PLCD1: variants seen among roughly 807,000 people sequenced by gnomAD.
PLCD1 encodes the protein phospholipase C delta 1, also known as 1-phosphatidylinositol 4,5-bisphosphate phosphodiesterase delta-1.
In PLCD1, 71 loss-of-function variants were observed where a neutral mutation model predicts 87.4. The observed-to-expected ratio is 0.81, with a 90% CI of 0.67 to 0.99. The LOEUF (loss-of-function observed/expected upper bound fraction) is 0.99, where lower values mean the gene tolerates loss of function less well. Among genes scored for constraint, PLCD1 ranks in the 50% least tolerant of loss-of-function variants. PLCD1 has a pLI of 0.00. For missense variants in PLCD1, 867 were observed against 1,001.5 expected, an observed-to-expected ratio of 0.87 and a Z score of 1.81; for synonymous variants, 348 against 399.2, an observed-to-expected ratio of 0.87 and a Z score of 1.53.
intron 8 of PLCD1, 39 bp from the exon 9 acceptor site, chr3:38,009,850 GCCC>G (rs750770929): frequency 6.2e-7 from 1 of 1,610,588 alleles, no homozygotes; most frequent in Non-Finnish European, 8.5e-7. Flanking sequence ...CACACCTAGC[GCCC>G]CGGCTAGGCT....
At chr3:38,020,608 A>G (rs942945669) in intron 1 of PLCD1, among the ~76,000 whole-genome samples, 4 of 152,140 alleles carry the variant, frequency 2.6e-5, no homozygotes, top group Non-Finnish European at 5.9e-5. Flanking sequence ...GACCATACTT[A>G]CACACTGTGA....
chr3:38,016,561 G>T lies in PLCD1; in HGVS notation c.358C>A (p.His120Asn), dbSNP rs1193093196. The T allele has an allele frequency of 6.2e-6, 10 of 1,613,960 alleles. No homozygotes were observed. The highest frequency in any genetic ancestry group is 8.5e-6 in the Non-Finnish European group (10 of 1,179,956). Residue 120 changes from histidine (H) to asparagine (N), a missense_variant, in exon 3 of 15, where the codon CAC becomes AAC. Physicochemically the swap from His to Asn is moderately conservative, Grantham distance 68. Transcript: ENST00000334661. ...LIAPSPADAQ[H>N]WVLGLHKIIH... Reference sequence around the variant, plus strand: ...ATCTTGTGCAGCCCCAGCACCCAGTGCTGGGCATCAGCTGGCGATGGGGCG... The same window carrying T: ...ATCTTGTGCAGCCCCAGCACCCAGTTCTGGGCATCAGCTGGCGATGGGGCG...
At chr3:38,009,853 C>T (rs1169867171) in intron 8 of PLCD1, 42 bp from the exon 9 acceptor site, 1 of 1,610,048 alleles carries the variant, frequency 6.2e-7, no homozygotes, top group African/African-American at 1.3e-5. Context: ...ACCTAGCGCC[C>T]CGGCTAGGCT....
chr3:38,024,048 TGC>T, intron 1 of PLCD1: 1 of 464,062 alleles, frequency 2.2e-6, no homozygotes, highest in Admixed American at 3.8e-5. Context: ...ACATACACGG[TGC>T]CTCAGAAATT....
chr3:38,019,898 T>C (rs923796121), intron 2 of PLCD1, among the ~76,000 whole-genome samples: 1 of 152,120 alleles, frequency 6.6e-6, no homozygotes, highest in Non-Finnish European at 1.5e-5. Flanking sequence ...AGTATCCCCA[T>C]CCCTCAAAAG....
intron 3 of PLCD1, among the ~76,000 whole-genome samples, chr3:38,014,113 G>A (rs1317703767): frequency 3.3e-5 from 5 of 152,110 alleles, no homozygotes; most frequent in Admixed American, 2.0e-4. Context: ...TCATGGATCA[G>A]AAGACTTGAC....
intron 12 of PLCD1, 22 bp downstream of exon 12, chr3:38,008,436 G>A: frequency 6.2e-7 from 1 of 1,614,070 alleles, no homozygotes. Flanking sequence ...GTGGGCACCT[G>A]TCCCTCCTAG....
intron 1 of PLCD1, among the ~76,000 whole-genome samples, chr3:38,023,866 C>T (rs1273357808): frequency 6.6e-6 from 1 of 150,520 alleles, no homozygotes. Flanking sequence ...TCATTACACA[C>T]TGTACAGTGG....
In PLCD1 at chr3:38,010,571, G is replaced by C. The variant is rs781049733; in HGVS notation, c.791-9C>G. The C allele has an allele frequency of 1.9e-6, 3 of 1,609,554 alleles. No individual in the cohort carries two copies. The highest frequency in any genetic ancestry group is 2.5e-6 in the Non-Finnish European group (3 of 1,177,634). On this transcript the variant is annotated splice_polypyrimidine_tract_variant and intron_variant, in intron 5 of 14. Coordinates refer to ENST00000334661, the MANE Select transcript of PLCD1 (RefSeq NM_006225.4). ...CTGCCGCTGCGCCTTGGCTGGGAGG[G>C]AGGAGGCCACTGCCCGTCAGAGCCA...
rs530083442 is a variant in PLCD1 at position 38,025,455 on chromosome 3, G to GC, written c.34+4050dup. Among the ~76,000 whole-genome samples, 95 of 151,692 alleles carry GC rather than the reference G, an allele frequency of 6.3e-4. No homozygotes were observed. The South Asian group carries it at 9.8e-3, about 16-fold the overall frequency. Reference sequence around the variant, plus strand: ...GGATGGAGCCTGGGCCAGACACCGAGCCCCCCCCAAGTATTTTACTTCAAT... The same window carrying GC: ...GGATGGAGCCTGGGCCAGACACCGAGCCCCCCCCCAAGTATTTTACTTCAAT... On this transcript the variant is annotated intron_variant, in intron 1 of 14. Coordinates refer to ENST00000334661, the MANE Select transcript of PLCD1 (RefSeq NM_006225.4). The surrounding 1 kb of genome is among the most constrained non-coding windows in gnomAD (Gnocchi z 4.0).
chr3:38,010,780 C>T lies in PLCD1; in HGVS notation c.791-218G>A, dbSNP rs936035791. ...CTCCTCCTCCTCCCCTGTCTGCACA[C>T]TCTAAGACCCCTGAGGACAGGGTGT... On this transcript the variant is annotated intron_variant, in intron 5 of 14. Transcript: ENST00000334661. Among the ~76,000 whole-genome samples the T allele has an allele frequency of 5.3e-5, 8 of 152,202 alleles. No individual in the cohort carries two copies. The South Asian group carries it at 1.7e-3, about 31-fold the overall frequency.
intron 3 of PLCD1, chr3:38,014,749 A>T (rs1052555007): frequency 4.6e-5 from 7 of 152,810 alleles, no homozygotes; most frequent in Non-Finnish European, 1.0e-4. Flanking sequence ...AAAGACTTGT[A>T]TCTATAATAT....
Position 38,009,829 on chromosome 3 carries a change from A to G in PLCD1, c.1288-18T>C, listed in dbSNP as rs752558221. ...TTCAGTTGCTAGGTGGGGAGGGGCA[A>G]CTGGTCAAGACACACCTAGCGCCCC... On this transcript the variant is annotated intron_variant, in intron 8 of 14. Transcript: ENST00000334661. 2.5e-6 allele frequency: 4 copies of G among 1,613,610 alleles called. No homozygotes were observed. In the East Asian group the frequency reaches 8.9e-5, roughly 36 times the overall value.
In PLCD1 at chr3:38,017,930, A is replaced by G. The variant is rs889001882; in HGVS notation, c.200-1211T>C. ...CCCCTGGTGACCCACACGGCCGCAC[A>G]CAGGGTGCAGCTGCAGCTGCCTGGG... On this transcript the variant is annotated intron_variant, in intron 2 of 14. Transcript: ENST00000334661. This position sits in a 1 kb window ranked among gnomAD's most constrained non-coding sequence, Gnocchi z 4.7. Among the ~76,000 whole-genome samples the G allele has an allele frequency of 3.3e-5, 5 of 152,058 alleles. No individual in the cohort carries two copies. The highest frequency in any genetic ancestry group is 1.2e-4 in the African/African-American group (5 of 41,414).
intron 6 of PLCD1, 36 bp downstream of exon 6, chr3:38,010,325 A>G (rs745546491): frequency 6.2e-7 from 1 of 1,614,092 alleles, no homozygotes; most frequent in Non-Finnish European, 8.5e-7. Flanking sequence ...CCCGGGTCCC[A>G]CCCAGACTCC....
In PLCD1 at chr3:38,025,069, C is replaced by G. The variant is rs1700293555; in HGVS notation, c.34+4437G>C. On this transcript the variant is annotated intron_variant, in intron 1 of 14. Coordinates refer to ENST00000334661, the MANE Select transcript of PLCD1 (RefSeq NM_006225.4). This position sits in a 1 kb window ranked among gnomAD's most constrained non-coding sequence, Gnocchi z 4.0. Reference sequence around the variant, plus strand: ...AGGGGCCAGGCTCAGAGGCGGAGCTCAGGCCGGGAGCCTCTGCTCCAGAGG... The same window carrying G: ...AGGGGCCAGGCTCAGAGGCGGAGCTGAGGCCGGGAGCCTCTGCTCCAGAGG... 6.6e-6 allele frequency among the ~76,000 whole-genome samples: 1 copy of G among 152,086 alleles called. No individual in the cohort carries two copies. Among genetic ancestry groups the G allele is most frequent in the South Asian group, 2.1e-4 (1 of 4,826 alleles).
chr3:38,013,238 A>G (rs1215572854), intron 3 of PLCD1, among the ~76,000 whole-genome samples: 5 of 122,570 alleles, frequency 4.1e-5, no homozygotes, highest in Non-Finnish European at 3.3e-5. Context: ...CCTGAGACGG[A>G]GTCTAGCTCT....
In PLCD1 at chr3:38,008,616, G is replaced by A. The variant is rs201680750; in HGVS notation, c.1744C>T (p.Pro582Ser). The A allele has an allele frequency of 1.9e-6, 3 of 1,614,140 alleles. No individual in the cohort carries two copies. Among genetic ancestry groups the A allele is most frequent in the Non-Finnish European group, 2.5e-6 (3 of 1,179,994 alleles). The change falls in exon 12 of 15, where the codon CCT becomes TCT. Residue 582 changes from proline (P) to serine (S), a missense_variant. By Grantham distance (74) the Pro-to-Ser change is moderately conservative (BLOSUM62 -1). Transcript: ENST00000334661. ...TGGTACACGTCCATCTCTGGCCCAG[G>A]TGTCTGGAAATTCAGGGCCACTACA... ...CQIVALNFQT[P>S]GPEMDVYQGR...
At chr3:38,022,407 C>T (rs1355884461) in intron 1 of PLCD1, among the ~76,000 whole-genome samples, 1 of 152,182 alleles carries the variant, frequency 6.6e-6, no homozygotes, top group Non-Finnish European at 1.5e-5. Flanking sequence ...TGATGTCCCT[C>T]TAAAGCTGAG....
Sources: allele counts gnomAD v4.1 joint callset (sites outside exome capture counted in the v4.1 genomes callset), GRCh38; gene constraint gnomAD v4.1.1; non-coding constraint Gnocchi (gnomAD v3.1); transcripts MANE v1.5; gene names NCBI Gene and HGNC (gene_info 2026-07-23, HGNC 2026-07-21).